The following BCAS3 variants were observed in gnomAD, a reference collection of about 807,000 sequenced individuals.
BCAS3 encodes BCAS4/BCAS3 fusion.
In BCAS3, 53 loss-of-function variants were observed where a neutral mutation model predicts 116.1. The observed-to-expected ratio is 0.46, with a 90% CI of 0.37 to 0.57. The LOEUF (loss-of-function observed/expected upper bound fraction) is 0.57. Ranked by LOEUF, BCAS3 falls within the 20% of genes least tolerant of loss-of-function variation. The probability of loss-of-function intolerance (pLI) is 0.00; values close to 1 mark genes in which losing one functional copy is unlikely to be tolerated. For missense variants in BCAS3, 917 were observed against 1,165.4 expected (o/e 0.79, Z 3.10); for synonymous variants, 391 against 408.2 (o/e 0.96, Z 0.51).
intron 7 of BCAS3, among the ~76,000 whole-genome samples, chr17:60,864,865 A>G (rs1156744788): frequency 6.6e-6 from 1 of 152,162 alleles, no homozygotes; most frequent in African/African-American, 2.4e-5. Context: ...TACTTTCAAT[A>G]TTGCTGTGTC....
intron 14 of BCAS3, among the ~76,000 whole-genome samples, chr17:60,954,140 T>G (rs776470968): frequency 5.9e-5 from 9 of 152,178 alleles, no homozygotes; most frequent in Non-Finnish European, 1.3e-4. Flanking sequence ...ATTGCTTGTT[T>G]TTGTCAGCTT....
intron 22 of BCAS3, among the ~76,000 whole-genome samples, chr17:61,085,078 T>G (rs555759915): frequency 2.9e-4 from 44 of 152,366 alleles, no homozygotes; most frequent in African/African-American, 1.0e-3. Flanking sequence ...GGAAACAAGC[T>G]ATGAATATGT....
chr17:60,841,544 TA>T (rs967326585), intron 7 of BCAS3, among the ~76,000 whole-genome samples: 6 of 127,600 alleles, frequency 4.7e-5, no homozygotes, highest in African/African-American at 2.3e-4. Flanking sequence ...CACACCTGGC[TA>T]ATTTTTTTTT....
intron 22 of BCAS3, among the ~76,000 whole-genome samples, chr17:61,231,900 A>G (rs1378443843): frequency 3.3e-5 from 5 of 150,724 alleles, no homozygotes; most frequent in African/African-American, 9.7e-5. Context: ...AAGAGAAAGA[A>G]GGAAACAAAG....
chr17:61,293,699 A>C (rs183844754), intron 22 of BCAS3, among the ~76,000 whole-genome samples: 2 of 152,190 alleles, frequency 1.3e-5, no homozygotes, highest in African/African-American at 4.8e-5. Context: ...GGCTGGTGCT[A>C]TGAGGAACTA....
At chr17:60,727,244 C>G in intron 5 of BCAS3, 3 of 980,484 alleles carry the variant, frequency 3.1e-6, no homozygotes, top group Non-Finnish European at 4.9e-6. Context: ...GACCACCATC[C>G]TCTTGGATCT....
chr17:60,970,531 G>A (rs999764000), intron 14 of BCAS3, among the ~76,000 whole-genome samples: 2 of 151,968 alleles, frequency 1.3e-5, no homozygotes, highest in African/African-American at 2.4e-5. Context: ...TAAGAATATT[G>A]GAAATTCAAC....
intron 19 of BCAS3, among the ~76,000 whole-genome samples, chr17:61,058,343 T>G (rs1052892050): frequency 1.3e-5 from 2 of 152,214 alleles, no homozygotes; most frequent in African/African-American, 4.8e-5. Flanking sequence ...GTTTCTTGTC[T>G]TTTATACTAC....
chr17:61,070,151 A>C, intron 19 of BCAS3: 2 of 1,567,618 alleles, frequency 1.3e-6, no homozygotes, highest in South Asian at 1.1e-5. Flanking sequence ...GAAGACAACA[A>C]CACACTTGTG....
rs2078528341 is a variant in BCAS3, at chr17:61,166,718, A to G, written c.2425+82154A>G. ...CATCCTGAACTTTTTATTATTTTTT[A>G]GTTTTTATTTTTAGAGACATCATCT... On this transcript the variant is annotated intron_variant, in intron 22 of 23. Transcript: ENST00000407086. Among the ~76,000 whole-genome samples, 3 of 151,494 alleles carry G rather than the reference A, an allele frequency of 2.0e-5. No homozygotes were observed. In the South Asian group the frequency reaches 6.3e-4, roughly 32 times the overall value.
chr17:61,139,288 T>C lies in BCAS3; in HGVS notation c.2425+54724T>C, dbSNP rs1433844247. ...AGAAAGTGTGAAGATTTTTTTTTCT[T>C]CATTTCCTGATTTGCTTCTTTAAGG... On this transcript the variant is annotated intron_variant, in intron 22 of 23. Transcript: ENST00000407086. This position sits in a 1 kb window ranked among gnomAD's most constrained non-coding sequence, Gnocchi z 4.7. Among the ~76,000 whole-genome samples the C allele has an allele frequency of 6.6e-6, 1 of 152,222 alleles. No individual in the cohort carries two copies. The highest frequency in any genetic ancestry group is 2.1e-4 in the South Asian group (1 of 4,834).
At chr17:60,852,530 A>G (rs993687420) in intron 7 of BCAS3, among the ~76,000 whole-genome samples, 1 of 152,210 alleles carries the variant, frequency 6.6e-6, no homozygotes, top group African/African-American at 2.4e-5. Context: ...AATAACTTTA[A>G]AAAAGAATTA....
At position 60,993,439 on chromosome 17, in the gene BCAS3, T is replaced by C. The variant is rs1489022584; in HGVS notation, c.1486+3204T>C. Among the ~76,000 whole-genome samples the C allele has an allele frequency of 6.6e-6, 1 of 152,246 alleles. No individual in the cohort carries two copies. The highest frequency in any genetic ancestry group is 6.5e-5 in the Admixed American group (1 of 15,292). ...TGCTGCTGTACTTAAGATTTTCTTT[T>C]GAAAGCAAGGAATTTCAGGCAGCCT... is the stretch of plus-strand genomic sequence containing the variant. On this transcript the variant is annotated intron_variant, in intron 15 of 23. Transcript: ENST00000407086. This position sits in a 1 kb window ranked among gnomAD's most constrained non-coding sequence, Gnocchi z 4.2.
intron 14 of BCAS3, among the ~76,000 whole-genome samples, chr17:60,985,169 G>C (rs1361916594): frequency 9.2e-5 from 12 of 129,996 alleles, no homozygotes; most frequent in African/African-American, 3.5e-4. Context: ...TTTTGAGACA[G>C]AGTTTCACTC....
intron 14 of BCAS3, among the ~76,000 whole-genome samples, chr17:60,958,991 C>G (rs897230859): frequency 6.6e-6 from 1 of 152,136 alleles, no homozygotes; most frequent in Non-Finnish European, 1.5e-5. Flanking sequence ...AAGAAACCTT[C>G]GTGACTTGGG....
chr17:61,260,202 A>G (rs1336241847), intron 22 of BCAS3, among the ~76,000 whole-genome samples: 1 of 152,232 alleles, frequency 6.6e-6, no homozygotes, highest in African/African-American at 2.4e-5. Flanking sequence ...GGTATTTCAC[A>G]CTAACTTACC....
At chr17:60,941,662 A>AT (rs1426881817) in intron 13 of BCAS3, among the ~76,000 whole-genome samples, 11 of 152,224 alleles carry the variant, frequency 7.2e-5, no homozygotes, top group Non-Finnish European at 1.5e-4. Context: ...TACAGAGAAG[A>AT]TAATAGGCAT....
chr17:60,942,431 A>G (rs2060273240), intron 13 of BCAS3, among the ~76,000 whole-genome samples: 1 of 152,042 alleles, frequency 6.6e-6, no homozygotes, highest in African/African-American at 2.4e-5. Flanking sequence ...CCATCTCCAA[A>G]CAAAAACAAA....
At chr17:61,047,247 G>A (rs1271387476) in intron 19 of BCAS3, among the ~76,000 whole-genome samples, 1 of 151,942 alleles carries the variant, frequency 6.6e-6, no homozygotes, top group African/African-American at 2.4e-5. Context: ...GAATTTTGGT[G>A]TATTGTAAAT....
Sources: gnomAD v4.1 joint callset for allele counts (sites outside exome capture counted in the v4.1 genomes callset) on GRCh38, gnomAD v4.1.1 for gene constraint, Gnocchi (gnomAD v3.1) non-coding constraint, MANE v1.5 for transcripts, NCBI Gene and HGNC (gene_info 2026-07-23, HGNC 2026-07-21) for gene names.